The following CACNA1B variants were observed in gnomAD, a reference collection of about 807,000 sequenced individuals.
The protein encoded by CACNA1B is voltage-dependent N-type calcium channel subunit alpha-1B.
A neutral mutation model predicts 247.2 loss-of-function variants in CACNA1B; 70 were observed. That is an observed-to-expected ratio of 0.28 (90% CI 0.23 to 0.35). The LOEUF (loss-of-function observed/expected upper bound fraction) is 0.35, where lower values mean the gene tolerates loss of function less well. Ranked by LOEUF, CACNA1B falls within the 10% of genes least tolerant of loss-of-function variation. The pLI is 1.00. For missense variants in CACNA1B, 2,367 were observed against 3,197.4 expected (o/e 0.74, Z 6.26); for synonymous variants, 1,231 against 1,294.4 (o/e 0.95, Z 1.05).
chr9:137,963,629 T>C (rs1958044109), intron 10 of CACNA1B, among the ~76,000 whole-genome samples: 1 of 152,176 alleles, frequency 6.6e-6, no homozygotes, highest in Admixed American at 6.5e-5. Flanking sequence ...ACTCCAGACC[T>C]CAAATGATCT....
Position 137,898,725 on chromosome 9 carries a change from A to C in CACNA1B, c.531-14455A>C, listed in dbSNP as rs557473979. 2.0e-5 allele frequency among the ~76,000 whole-genome samples: 3 copies of C among 149,492 alleles called. No individual in the cohort carries two copies. The Admixed American group carries it at 2.0e-4, about 10-fold the overall frequency. On this transcript the variant is annotated intron_variant, in intron 3 of 46. Coordinates refer to ENST00000371372, the MANE Select transcript of CACNA1B (RefSeq NM_000718.4). The stretch of plus-strand genomic sequence containing the variant: ...GAGATGGAGTCTCCCTCTGTCACCC[A>C]GGCTGGAGTGCAGTGGCACGATCTC...
At position 137,950,363 on chromosome 9, in the gene CACNA1B, C is replaced by G. The variant is rs2133335144; in HGVS notation, c.967-1911C>G. ...TAGCTCCCTAGCTGCAGGGGGTGCC[C>G]CTACTGCCTGTGTAAATGGAAGTCA... On this transcript the variant is annotated intron_variant, in intron 6 of 46. Transcript: ENST00000371372. This position sits in a 1 kb window ranked among gnomAD's most constrained non-coding sequence, Gnocchi z 4.8. 6.6e-6 allele frequency among the ~76,000 whole-genome samples: 1 copy of G among 152,336 alleles called. No homozygotes were observed. Among genetic ancestry groups the G allele is most frequent in the Non-Finnish European group, 1.5e-5 (1 of 68,032 alleles).
rs1292623155 is a variant in CACNA1B, at chr9:137,937,938, ACT to A, written c.967-14333_967-14332del. Among the ~76,000 whole-genome samples the A allele has an allele frequency of 3.7e-5, 5 of 134,354 alleles. No individual in the cohort carries two copies. In the Admixed American group the frequency reaches 4.2e-4, roughly 11 times the overall value. The allele number at this position is 134,354 out of a possible 152,430, so 88.1% of individuals were successfully genotyped here. A position where few individuals can be genotyped will look rare whatever the true frequency, so the allele number is the denominator to read the frequency against. ...CTCCAGCCGGGGCAACAAGAATGAA[ACT>A]CTGTCTCAAAAAAAAAAAAAAAAAA... On this transcript the variant is annotated intron_variant, in intron 6 of 46. Transcript: ENST00000371372.
chr9:138,009,265 C>T (rs549614834), intron 16 of CACNA1B, among the ~76,000 whole-genome samples: 6 of 152,372 alleles, frequency 3.9e-5, no homozygotes, highest in African/African-American at 1.4e-4. Flanking sequence ...GCACCTCACA[C>T]TGGGTCCTGG....
At chr9:138,001,004 G>A (rs1958570833) in intron 15 of CACNA1B, among the ~76,000 whole-genome samples, 2 of 151,454 alleles carry the variant, frequency 1.3e-5, no homozygotes, top group Admixed American at 6.6e-5. Flanking sequence ...TGTTATTTTG[G>A]TGTTTTTTTA....
intron 37 of CACNA1B, chr9:138,101,091 A>G (rs1382678294): frequency 3.8e-6 from 2 of 529,746 alleles, no homozygotes; most frequent in East Asian, 1.1e-4. Flanking sequence ...AACCTGTGAC[A>G]TTTCCTTTCC....
At chr9:137,932,974 C>T (rs1378549896) in intron 6 of CACNA1B, among the ~76,000 whole-genome samples, 1 of 151,944 alleles carries the variant, frequency 6.6e-6, no homozygotes, top group African/African-American at 2.4e-5. Context: ...TCTCTGTCGC[C>T]TAGGCTGGAG....
At chr9:138,067,498 C>G (rs1451914182) in intron 31 of CACNA1B, among the ~76,000 whole-genome samples, 1 of 152,130 alleles carries the variant, frequency 6.6e-6, no homozygotes, top group Non-Finnish European at 1.5e-5. Flanking sequence ...GTCAGAAGTT[C>G]GAGACGAGTG....
At position 137,957,644 on chromosome 9, in the gene CACNA1B, C is replaced by A; in HGVS notation, c.1290C>A (p.His430Gln). Residue 430 changes from histidine (H) to glutamine (Q), a missense_variant, in exon 10 of 47, where the codon CAC becomes CAA. Physicochemically the swap from His to Gln is conservative, Grantham distance 24. Around this residue, in one of 12 missense-constraint regions of CACNA1B, gnomAD observed 219 missense variants for 297.6 expected, o/e 0.74. Coordinates refer to ENST00000371372, the MANE Select transcript of CACNA1B (RefSeq NM_000718.4). The surrounding 1 kb of genome is among the most constrained non-coding windows in gnomAD (Gnocchi z 4.7). ...ATKKSRNDLI[H>Q]AEEGEDRFAD... ...AGAAGAGCAGAAATGACCTGATCCA[C>A]GCAGAGGAGGGAGAGGACCGGTTTG... 1 of 1,603,866 alleles carries A rather than the reference C, an allele frequency of 6.2e-7. No homozygotes were observed. Among genetic ancestry groups the A allele is most frequent in the Non-Finnish European group, 8.5e-7 (1 of 1,175,432 alleles).
chr9:137,896,027 C>G lies in CACNA1B; in HGVS notation c.530+13144C>G, dbSNP rs565070423. Among the ~76,000 whole-genome samples the G allele has an allele frequency of 2.0e-5, 3 of 152,254 alleles. No individual in the cohort carries two copies. In the South Asian group the frequency reaches 6.2e-4, roughly 32 times the overall value. ...GGCCAAGACAGGCAGATCACGAGGT[C>G]AGGAGATCGAGACCATCCTGGCTAA... On this transcript the variant is annotated intron_variant, in intron 3 of 46. Coordinates refer to ENST00000371372, the MANE Select transcript of CACNA1B (RefSeq NM_000718.4).
In CACNA1B at chr9:138,078,141, G is replaced by C. The variant is rs942631104; in HGVS notation, c.4977G>C (p.Glu1659Asp). 26 of 1,613,832 alleles carry C rather than the reference G, an allele frequency of 1.6e-5. No individual in the cohort carries two copies. In the Admixed American group the frequency reaches 3.3e-4, roughly 21 times the overall value. The change falls in exon 36 of 47, where the codon GAG becomes GAC. Residue 1659 changes from glutamate to aspartate, a missense_variant. Physicochemically the swap from Glu to Asp is conservative, Grantham distance 45 (BLOSUM62 2). Around this residue, in one of 12 missense-constraint regions of CACNA1B, gnomAD observed 436 missense variants for 679.5 expected, o/e 0.64. Transcript: ENST00000371372. Reference protein sequence around the residue: ...FRSATGEAWHEIMLSCLSNQA... With the variant: ...FRSATGEAWHDIMLSCLSNQA... ...GCGCCACGGGGGAGGCCTGGCACGA[G>C]ATCATGCTGTCCTGCCTGAGCAACC...
chr9:137,933,845 G>A (rs1400023503), intron 6 of CACNA1B, among the ~76,000 whole-genome samples: 2 of 152,132 alleles, frequency 1.3e-5, no homozygotes, highest in South Asian at 2.1e-4. Context: ...CTGATTGCTA[G>A]TAAGACATGG....
At chr9:138,086,017 C>T (rs997608602) in intron 36 of CACNA1B, among the ~76,000 whole-genome samples, 5 of 151,010 alleles carry the variant, frequency 3.3e-5, no homozygotes, top group African/African-American at 1.2e-4. Context: ...TCAAACCTTA[C>T]TATTACAGAA....
At chr9:138,080,515 A>G (rs1389103932) in intron 36 of CACNA1B, among the ~76,000 whole-genome samples, 1 of 152,152 alleles carries the variant, frequency 6.6e-6, no homozygotes, top group Non-Finnish European at 1.5e-5. Flanking sequence ...TGATTTGTGG[A>G]ACAAGGAGAT....
rs1958672216 is a variant in CACNA1B at position 138,007,794 on chromosome 9, T to C, written c.2092+910T>C. Among the ~76,000 whole-genome samples, 1 of 152,132 alleles carries C rather than the reference T, an allele frequency of 6.6e-6. No homozygotes were observed. ...AGGAGCTGGAGACAATGTCTCACAG[T>C]CGACCTCCCGGCTCTGCTTCTACCC... On this transcript the variant is annotated intron_variant, in intron 16 of 46. Coordinates refer to ENST00000371372, the MANE Select transcript of CACNA1B (RefSeq NM_000718.4). This position sits in a 1 kb window ranked among gnomAD's most constrained non-coding sequence, Gnocchi z 4.1.
In CACNA1B at chr9:138,054,904, T is replaced by A. The variant is rs1222267730; in HGVS notation, c.3968+898T>A. On this transcript the variant is annotated intron_variant, in intron 26 of 46. Transcript: ENST00000371372. The surrounding 1 kb of genome is among the most constrained non-coding windows in gnomAD (Gnocchi z 4.6). ...TGATGACCAATGAGATTGAGCCCCC[T>A]TTGCTAGGGGGATTGGCCGCTTAGG... Among the ~76,000 whole-genome samples, 3 of 152,162 alleles carry A rather than the reference T, an allele frequency of 2.0e-5. No individual in the cohort carries two copies. The highest frequency in any genetic ancestry group is 4.4e-5 in the Non-Finnish European group (3 of 68,026).
chr9:138,069,808 C>T lies in CACNA1B; in HGVS notation c.4674+45C>T, dbSNP rs200105088. ...ACGGTTCTTGCAAGTCCTTGCTTTG[C>T]TCGCTCTGCTCCTCTCCTGCTCTCT... On this transcript the variant is annotated intron_variant, in intron 32 of 46. Coordinates refer to ENST00000371372, the MANE Select transcript of CACNA1B (RefSeq NM_000718.4). 1.2e-4 allele frequency: 184 copies of T among 1,573,932 alleles called. 1 individual carries two copies. The African/African-American group carries it at 1.8e-3, about 16-fold the overall frequency.
chr9:137,896,781 A>G (rs768124056), intron 3 of CACNA1B, among the ~76,000 whole-genome samples: 2 of 151,508 alleles, frequency 1.3e-5, no homozygotes, highest in Non-Finnish European at 2.9e-5. Context: ...CTTTCAAGTT[A>G]CGCATTCACT....
intron 19 of CACNA1B, 56 bp downstream of exon 19, chr9:138,023,867 G>A (rs1958885811): frequency 1.1e-6 from 1 of 891,466 alleles, no homozygotes; most frequent in South Asian, 1.4e-5. Context: ...GGCGGCGCGG[G>A]CCCCAGCGGT....
Sources: gnomAD v4.1 joint callset for allele counts (sites outside exome capture counted in the v4.1 genomes callset) on GRCh38, gnomAD v4.1.1 for gene constraint, gnomAD v4.1.1 regional missense constraint, Gnocchi (gnomAD v3.1) non-coding constraint, MANE v1.5 for transcripts, NCBI Gene and HGNC (gene_info 2026-07-23, HGNC 2026-07-21) for gene names.